Variants in NIN observed in about 807,000 individuals in gnomAD.
NIN encodes the protein glycogen synthase kinase 3 beta-interacting protein.
Under a neutral mutation model 257.6 loss-of-function variants are expected in NIN, and 137 were observed. That is an observed-to-expected ratio of 0.53 (90% confidence interval 0.46 to 0.61). NIN has a LOEUF of 0.61. Among genes scored for constraint, NIN ranks in the 20% least tolerant of loss-of-function variants. The pLI, the probability that NIN is intolerant of heterozygous loss-of-function variation, is 0.00. For synonymous variants in NIN, 918 were observed against 919.8 expected (o/e 1.00, Z 0.04); for missense variants, 2,439 against 2,501.2 (o/e 0.98, Z 0.53).
At chr14:50,766,477 T>C (rs2141724518) in intron 13 of NIN, 81 bp from the exon 14 acceptor site, 1 of 1,207,000 alleles carries the variant, frequency 8.3e-7, no homozygotes, top group African/African-American at 1.5e-5. Flanking sequence ...CAGTTTCTGG[T>C]ATTCACCCAG....
intron 22 of NIN, 42 bp from the exon 23 acceptor site, chr14:50,744,407 G>A (rs1595746775): frequency 6.2e-7 from 1 of 1,604,796 alleles, no homozygotes; most frequent in Non-Finnish European, 8.5e-7. Flanking sequence ...CACATCTCAT[G>A]GCTGTAAGTA....
rs759258409 is a variant in NIN at position 50,758,302 on chromosome 14, C to T, written c.2728G>A (p.Val910Ile). ...TCTTGGAGTAGCTGCTGTCTCTCGACGACCATGCTGTTCAAATGTTCTTTG... is the reference window on the plus strand; with the variant it reads ...TCTTGGAGTAGCTGCTGTCTCTCGATGACCATGCTGTTCAAATGTTCTTTG... ...TYKEHLNSMV[V>I]ERQQLLQDLE... Residue 910 changes from valine to isoleucine, a missense_variant, in exon 18 of 31, where the codon GTC becomes ATC. By Grantham distance (29) the Val-to-Ile change is conservative. Coordinates refer to ENST00000530997, the MANE Select transcript of NIN (RefSeq NM_020921.4). 17 of 1,614,116 alleles carry T rather than the reference C, an allele frequency of 1.1e-5. No individual in the cohort carries two copies. The highest frequency in any genetic ancestry group is 8.0e-5 in the African/African-American group (6 of 74,942).
At chr14:50,776,299 A>G (rs1029218124) in intron 7 of NIN, among the ~76,000 whole-genome samples, 5 of 152,190 alleles carry the variant, frequency 3.3e-5, no homozygotes, top group African/African-American at 7.2e-5. Flanking sequence ...GTTTTACCAA[A>G]GAAGAGTCTT....
chr14:50,753,733 A>G (rs1433074885), intron 20 of NIN, among the ~76,000 whole-genome samples: 2 of 152,182 alleles, frequency 1.3e-5, no homozygotes, highest in East Asian at 1.9e-4. Flanking sequence ...TAATCCTAAC[A>G]ACAATGCATG....
chr14:50,821,917 G>A lies in NIN; in HGVS notation c.140C>T (p.Pro47Leu). ...CHMLSLEEVA[P>L]VLQQTLLQDN... ...CTGAAGTAATGTCTGCTGCAGCACT[G>A]GGGCCACCTCCTCCAAGCTCAACAT... Residue 47 changes from proline (P) to leucine (L), a missense_variant, in exon 3 of 31, where the codon CCA becomes CTA. By Grantham distance (98) the Pro-to-Leu change is moderately conservative. This residue lies in a region of NIN where 387 missense variants were observed against 427.3 expected (regional missense o/e 0.91). Coordinates refer to ENST00000530997, the MANE Select transcript of NIN (RefSeq NM_020921.4). The A allele has an allele frequency of 6.2e-7, 1 of 1,614,040 alleles. No homozygotes were observed. The highest frequency in any genetic ancestry group is 8.5e-7 in the Non-Finnish European group (1 of 1,179,962).
intron 3 of NIN, among the ~76,000 whole-genome samples, chr14:50,813,956 G>A (rs555034107): frequency 4.6e-4 from 70 of 152,250 alleles, no homozygotes; most frequent in Middle Eastern, 3.4e-3. Context: ...AATGCTTACA[G>A]CATTATGCAA....
intron 25 of NIN, among the ~76,000 whole-genome samples, chr14:50,741,374 G>A (rs1566790765): frequency 1.3e-5 from 2 of 152,284 alleles, no homozygotes; most frequent in East Asian, 3.9e-4. Flanking sequence ...TTCCCTTGGG[G>A]TTACCAACTG....
chr14:50,818,090 G>A (rs1227096507), intron 3 of NIN, among the ~76,000 whole-genome samples: 1 of 151,598 alleles, frequency 6.6e-6, no homozygotes, highest in Admixed American at 6.6e-5. Flanking sequence ...TTGGGAGGCC[G>A]AGGTGGGCGG....
At position 50,757,742 on chromosome 14, in the gene NIN, T is replaced by C; in HGVS notation, c.3288A>G (p.Gln1096=). The C allele has an allele frequency of 1.9e-6, 3 of 1,614,220 alleles. No individual in the cohort carries two copies. The highest frequency in any genetic ancestry group is 2.5e-6 in the Non-Finnish European group (3 of 1,180,048). Residue 1096 remains glutamine (Q), a synonymous_variant, in exon 18 of 31, where the codon CAA becomes CAG. Transcript: ENST00000530997. ...ACATTACTAACCCTGGCTCTAACTTTTGTAGCCTCTGTTGCAATCTAGAAA... is the reference window on the plus strand; with the variant it reads ...ACATTACTAACCCTGGCTCTAACTTCTGTAGCCTCTGTTGCAATCTAGAAA... The part of the protein sequence containing the change: ...TEISRLQQRL[Q]KLEPGLVMSS...
intron 15 of NIN, 125 bp downstream of exon 15, chr14:50,763,701 T>TATGGCCAA: frequency 1.3e-6 from 1 of 765,074 alleles, no homozygotes; most frequent in Non-Finnish European, 2.0e-6. Flanking sequence ...AAGAAAAGAG[T>TATGGCCAA]ATGGCCAAAT....
chr14:50,745,731 A>C (rs2041507298), intron 22 of NIN, among the ~76,000 whole-genome samples: 1 of 152,164 alleles, frequency 6.6e-6, no homozygotes, highest in Non-Finnish European at 1.5e-5. Flanking sequence ...CCCTCCAGAC[A>C]CCCGTAAAGC....
chr14:50,830,355 A>C (rs1186724937), intron 2 of NIN, 109 bp downstream of exon 2: 1 of 164,914 alleles, frequency 6.1e-6, no homozygotes, highest in Non-Finnish European at 1.5e-5. Flanking sequence ...GTCCCTGGCC[A>C]CCTGCGATGC....
At chr14:50,763,709 AATTCT>A (rs865825269) in intron 15 of NIN, 112 bp downstream of exon 15, 2 of 755,814 alleles carry the variant, frequency 2.6e-6, no homozygotes, top group Non-Finnish European at 3.9e-6. Flanking sequence ...AGTATGGCCA[AATTCT>A]TTTTTTTTTT....
chr14:50,731,242 G>C (rs1438057493), intron 28 of NIN, among the ~76,000 whole-genome samples: 2 of 152,034 alleles, frequency 1.3e-5, no homozygotes, highest in African/African-American at 4.8e-5. Context: ...GAAGATTCCA[G>C]GTCCAGGCCA....
In NIN at chr14:50,756,900, A is replaced by T. The variant is rs2042051001; in HGVS notation, c.4130T>A (p.Val1377Asp). The part of the protein sequence containing the change: ...NQTLEECVPR[V>D]RSVHHVIEEC... Reference sequence around the variant, plus strand: ...CTCTATGACATGATGTACACTCCTAACCCTGGGCACACACTCTTCCAGTGT... The same window carrying T: ...CTCTATGACATGATGTACACTCCTATCCCTGGGCACACACTCTTCCAGTGT... The change falls in exon 18 of 31, where the codon GTT (valine) becomes GAT (aspartate). Residue 1377 changes from valine to aspartate, a missense_variant. Physicochemically the swap from Val to Asp is radical, Grantham distance 152. Transcript: ENST00000530997. 5.8e-6 allele frequency: 9 copies of T among 1,557,172 alleles called. No homozygotes were observed. In the East Asian group the frequency reaches 2.2e-4, roughly 38 times the overall value.
chr14:50,777,079 G>T lies in NIN; in HGVS notation c.536C>A (p.Pro179His). The T allele has an allele frequency of 1.2e-6, 2 of 1,614,126 alleles. No individual in the cohort carries two copies. The highest frequency in any genetic ancestry group is 1.7e-6 in the Non-Finnish European group (2 of 1,179,998). The change falls in exon 7 of 31, where the codon CCC becomes CAC. Residue 179 changes from proline to histidine, a missense_variant. Physicochemically the swap from Pro to His is moderately conservative, Grantham distance 77 (BLOSUM62 -2). Coordinates refer to ENST00000530997, the MANE Select transcript of NIN (RefSeq NM_020921.4). Reference protein sequence around the residue: ...LNASQSGSSPPQDWIEEKLQE... With the variant: ...LNASQSGSSPHQDWIEEKLQE... ...CAGTTTCTCTTCTATCCAGTCTTGG[G>T]GAGGGGAAGATCCACTCTGTGAAGC...
chr14:50,768,803 G>C (rs12893920), intron 12 of NIN, among the ~76,000 whole-genome samples: 53,171 of 152,070 alleles, frequency 0.35, 10,911 homozygotes, highest in African/African-American at 0.57. Flanking sequence ...GGAAGAGATG[G>C]AAGAAAGAAC....
rs763599252 is a variant in NIN, at chr14:50,759,882, G to A, written c.2374C>T (p.His792Tyr). ...EELRKELLEK[H>Y]QRELQEGREK... Reference sequence around the variant, plus strand: ...CTTCCCTCCTGAAGCTCCCTTTGGTGCTTTTCCAAGAGCTCTTTTCTTAAC... The same window carrying A: ...CTTCCCTCCTGAAGCTCCCTTTGGTACTTTTCCAAGAGCTCTTTTCTTAAC... The change falls in exon 17 of 31, where the codon CAC becomes TAC. Residue 792 changes from histidine to tyrosine, a missense_variant. This residue lies in a region of NIN where 2,043 missense variants were observed against 2,050.2 expected (regional missense o/e 1.00). Coordinates refer to ENST00000530997, the MANE Select transcript of NIN (RefSeq NM_020921.4). 7 of 1,612,218 alleles carry A rather than the reference G, an allele frequency of 4.3e-6. No homozygotes were observed. The East Asian group carries it at 1.6e-4, about 36-fold the overall frequency.
chr14:50,740,594 C>T lies in NIN; in HGVS notation c.5448+988G>A, dbSNP rs1048536442. On this transcript the variant is annotated intron_variant, in intron 25 of 30. Coordinates refer to ENST00000530997, the MANE Select transcript of NIN (RefSeq NM_020921.4). ...TGAAGTCCTGACCTCGTGATCCGCC[C>T]GCCTAGGCCTCCCAAAGTGCTGGGA... Among the ~76,000 whole-genome samples, 7 of 152,138 alleles carry T rather than the reference C, an allele frequency of 4.6e-5. 1 individual carries two copies. The highest frequency in any genetic ancestry group is 1.7e-4 in the African/African-American group (7 of 41,506).
Sources: allele counts gnomAD v4.1 joint callset (sites outside exome capture counted in the v4.1 genomes callset), GRCh38; gene constraint gnomAD v4.1.1; regional missense constraint gnomAD v4.1.1; transcripts MANE v1.5; gene names NCBI Gene and HGNC (gene_info 2026-07-23, HGNC 2026-07-21).